The following SLC24A3 variants were observed in gnomAD, a reference collection of about 807,000 sequenced individuals.
SLC24A3 encodes the protein solute carrier family 24 member 3.
A neutral mutation model predicts 75.8 loss-of-function variants in SLC24A3; 28 were observed. That is an observed-to-expected ratio of 0.37 (90% CI 0.27 to 0.51). The LOEUF (loss-of-function observed/expected upper bound fraction) is 0.51, where lower values mean the gene tolerates loss of function less well. Ranked by LOEUF, SLC24A3 falls within the 20% of genes least tolerant of loss-of-function variation. SLC24A3 has a pLI of 0.94. For synonymous variants in SLC24A3, 372 were observed against 334.1 expected, an observed-to-expected ratio of 1.11 and a Z score of -1.24; for missense variants, 663 against 847.8, an observed-to-expected ratio of 0.78 and a Z score of 2.71.
chr20:19,251,190 A>C (rs541573623), intron 1 of SLC24A3, among the ~76,000 whole-genome samples: 26 of 152,274 alleles, frequency 1.7e-4, no homozygotes, highest in African/African-American at 5.8e-4. Flanking sequence ...GTAAGCAAAG[A>C]GATTTTAGGG....
intron 15 of SLC24A3, among the ~76,000 whole-genome samples, chr20:19,710,480 G>A (rs2032976255): frequency 6.6e-6 from 1 of 152,240 alleles, no homozygotes; most frequent in South Asian, 2.1e-4. Flanking sequence ...ATTAGAGAAT[G>A]AAAATGCATG....
rs778560980 is a variant in SLC24A3 at position 19,693,299 on chromosome 20, G to T, written c.1365G>T (p.Pro455=). ...LETVKWAFTW[P]LSFVLYFTVP... The stretch of plus-strand genomic sequence containing the variant: ...CAGTGAAATGGGCGTTCACCTGGCC[G>T]CTGAGTTTCGTCTTATACTTCACTG... The change falls in exon 13 of 17, where the codon CCG becomes CCT. Residue 455 remains proline (P), a synonymous_variant. Coordinates refer to ENST00000328041, the MANE Select transcript of SLC24A3 (RefSeq NM_020689.4). The T allele has an allele frequency of 6.2e-7, 1 of 1,613,652 alleles. No individual in the cohort carries two copies. Among genetic ancestry groups the T allele is most frequent in the South Asian group, 1.1e-5 (1 of 91,022 alleles).
At chr20:19,472,563 G>T (rs181804495) in intron 2 of SLC24A3, among the ~76,000 whole-genome samples, 1 of 152,202 alleles carries the variant, frequency 6.6e-6, no homozygotes, top group Non-Finnish European at 1.5e-5. Flanking sequence ...CCATGAGGAC[G>T]CTCTACCTCA....
intron 12 of SLC24A3, among the ~76,000 whole-genome samples, chr20:19,690,238 A>C (rs191823857): frequency 6.6e-6 from 1 of 152,340 alleles, no homozygotes. Context: ...AATAACTTAA[A>C]GAAAGCATAT....
intron 2 of SLC24A3, among the ~76,000 whole-genome samples, chr20:19,331,144 C>T (rs1283814253): frequency 2.6e-5 from 4 of 152,112 alleles, no homozygotes; most frequent in Non-Finnish European, 4.4e-5. Context: ...TGCATATTAT[C>T]GGGTCAATTG....
chr20:19,292,656 C>T (rs1048304519), intron 2 of SLC24A3, among the ~76,000 whole-genome samples: 1 of 151,904 alleles, frequency 6.6e-6, no homozygotes, highest in African/African-American at 2.4e-5. Context: ...TAGCAGTGGT[C>T]GCAGGGATGA....
rs1192798089 is a variant in SLC24A3 at position 19,358,857 on chromosome 20, T to C, written c.271+77770T>C. On this transcript the variant is annotated intron_variant, in intron 2 of 16. Coordinates refer to ENST00000328041, the MANE Select transcript of SLC24A3 (RefSeq NM_020689.4). Reference sequence around the variant, plus strand: ...GTCTAGATTGGATATTTCATATAAATGGAATCATACAATTTATGGCTTTTT... The same window carrying C: ...GTCTAGATTGGATATTTCATATAAACGGAATCATACAATTTATGGCTTTTT... Among the ~76,000 whole-genome samples, 4 of 152,208 alleles carry C rather than the reference T, an allele frequency of 2.6e-5. No individual in the cohort carries two copies. In the South Asian group the frequency reaches 8.3e-4, roughly 32 times the overall value.
intron 6 of SLC24A3, among the ~76,000 whole-genome samples, chr20:19,647,298 C>T (rs1487774651): frequency 2.0e-5 from 3 of 152,190 alleles, no homozygotes; most frequent in Non-Finnish European, 4.4e-5. Flanking sequence ...CCTAGAATCA[C>T]CTCCCAAGAT....
intron 2 of SLC24A3, among the ~76,000 whole-genome samples, chr20:19,332,352 C>T (rs1264637019): frequency 6.6e-6 from 1 of 152,160 alleles, no homozygotes; most frequent in African/African-American, 2.4e-5. Flanking sequence ...CCTGAGCCCC[C>T]TTGCCTTGTT....
intron 1 of SLC24A3, among the ~76,000 whole-genome samples, chr20:19,258,507 C>T (rs1982883014): frequency 6.6e-6 from 1 of 152,164 alleles, no homozygotes; most frequent in Non-Finnish European, 1.5e-5. Context: ...AGTTCGAGAC[C>T]AGCCTCACCA....
At chr20:19,596,302 G>A (rs1352658963) in intron 6 of SLC24A3, among the ~76,000 whole-genome samples, 1 of 152,116 alleles carries the variant, frequency 6.6e-6, no homozygotes, top group East Asian at 1.9e-4. Flanking sequence ...TTTTTTGGAG[G>A]TGATGCCAAG....
At chr20:19,422,072 G>A (rs1986927117) in intron 2 of SLC24A3, among the ~76,000 whole-genome samples, 1 of 152,086 alleles carries the variant, frequency 6.6e-6, no homozygotes, top group Admixed American at 6.5e-5. Context: ...GGTCACTCCT[G>A]GGGTGCTGAC....
chr20:19,292,351 G>A (rs1983961169), intron 2 of SLC24A3, among the ~76,000 whole-genome samples: 1 of 152,138 alleles, frequency 6.6e-6, no homozygotes, highest in African/African-American at 2.4e-5. Context: ...CTGGTTTTTA[G>A]GGCGTGGGAG....
intron 2 of SLC24A3, among the ~76,000 whole-genome samples, chr20:19,499,563 T>C (rs563885855): frequency 6.6e-6 from 1 of 152,302 alleles, no homozygotes; most frequent in Non-Finnish European, 1.5e-5. Flanking sequence ...TACAGTTGCA[T>C]ACCACTATGC....
intron 2 of SLC24A3, among the ~76,000 whole-genome samples, chr20:19,408,317 A>G (rs1364714160): frequency 6.6e-6 from 1 of 152,058 alleles, no homozygotes; most frequent in East Asian, 1.9e-4. Context: ...ATGCTTTGCC[A>G]TTCCTAAGAG....
rs576555653 is a variant in SLC24A3, at chr20:19,555,308, AT to A, written c.349-24690del. 5.8e-3 allele frequency among the ~76,000 whole-genome samples: 886 copies of A among 152,308 alleles called. 10 individuals carry two copies. Among genetic ancestry groups the A allele is most frequent in the African/African-American group, 0.021 (862 of 41,562 alleles). ...GGCTCAGTGGTGGCAGCAAAAGCAG[AT>A]TATGTCAGAGGCCCCTGGTCGTGAT... On this transcript the variant is annotated intron_variant, in intron 3 of 16. Transcript: ENST00000328041.
intron 2 of SLC24A3, among the ~76,000 whole-genome samples, chr20:19,485,308 C>T (rs1486232961): frequency 6.6e-6 from 1 of 152,012 alleles, no homozygotes; most frequent in African/African-American, 2.4e-5. Context: ...TCCTTGACAC[C>T]CAGTAAGTGA....
rs901042349 is a variant in SLC24A3, at chr20:19,311,989, G to C, written c.271+30902G>C. Among the ~76,000 whole-genome samples the C allele has an allele frequency of 2.0e-5, 3 of 152,002 alleles. No individual in the cohort carries two copies. In the East Asian group the frequency reaches 5.8e-4, roughly 29 times the overall value. On this transcript the variant is annotated intron_variant, in intron 2 of 16. Coordinates refer to ENST00000328041, the MANE Select transcript of SLC24A3 (RefSeq NM_020689.4). ...GTCATGAATAACTATGAATCCATTC[G>C]CTGCTCTTGTTCTACTTCATGTTTC...
intron 6 of SLC24A3, among the ~76,000 whole-genome samples, chr20:19,632,448 C>T (rs1248562818): frequency 6.6e-6 from 1 of 152,158 alleles, no homozygotes; most frequent in Non-Finnish European, 1.5e-5. Context: ...TTGTATCACT[C>T]CACCCTCTTG....
Sources: gnomAD v4.1 joint callset for allele counts (sites outside exome capture counted in the v4.1 genomes callset) on GRCh38, gnomAD v4.1.1 for gene constraint, MANE v1.5 for transcripts, NCBI Gene and HGNC (gene_info 2026-07-23, HGNC 2026-07-21) for gene names.